Variants in MCC observed in about 807,000 individuals in gnomAD.
The protein encoded by MCC is colorectal mutant cancer protein.
In MCC, 90 loss-of-function variants were observed where a neutral mutation model predicts 116.2. The ratio of observed to expected loss-of-function variants is 0.77; its 90% confidence interval spans 0.65 to 0.92. The LOEUF is 0.92. Ranked by LOEUF, MCC falls within the 40% of genes least tolerant of loss-of-function variation. The pLI, the probability that MCC is intolerant of heterozygous loss-of-function variation, is 0.00. For missense variants in MCC, 1,516 were observed against 1,312.2 expected, an observed-to-expected ratio of 1.16 and a Z score of -2.40; for synonymous variants, 578 against 510.5, an observed-to-expected ratio of 1.13 and a Z score of -1.78.
intron 3 of MCC, among the ~76,000 whole-genome samples, chr5:113,258,281 T>C (rs1765094518): frequency 3.3e-5 from 5 of 152,266 alleles, no homozygotes; most frequent in Admixed American, 3.3e-4. Flanking sequence ...ATGTTCTTTC[T>C]GTGGGTGGCA....
At chr5:113,481,840 A>C (rs1772386930) in intron 1 of MCC, among the ~76,000 whole-genome samples, 1 of 152,212 alleles carries the variant, frequency 6.6e-6, no homozygotes, top group Admixed American at 6.5e-5. Flanking sequence ...CTATATTCAC[A>C]GAGCTGTAAA....
intron 1 of MCC, among the ~76,000 whole-genome samples, chr5:113,398,874 T>G (rs1414614974): frequency 6.6e-6 from 1 of 152,254 alleles, no homozygotes. Context: ...CAATTTATTT[T>G]GAAGTCTATT....
chr5:113,087,850 A>C (rs1755312531), intron 8 of MCC, among the ~76,000 whole-genome samples: 3 of 152,278 alleles, frequency 2.0e-5, no homozygotes, highest in Admixed American at 1.3e-4. Flanking sequence ...GACTTCATTA[A>C]AACTATCCAT....
rs1330539114 is a variant in MCC, at chr5:113,231,561, G to A, written c.628-80139C>T. The stretch of plus-strand genomic sequence containing the variant: ...CATGGCTGTCTCCCATGTTCACTTT[G>A]TTCCTACAGGCAAATATGTTAATGA... On this transcript the variant is annotated intron_variant, in intron 3 of 18. Coordinates refer to ENST00000408903, the MANE Select transcript of MCC (RefSeq NM_001085377.2). 1.3e-5 allele frequency among the ~76,000 whole-genome samples: 2 copies of A among 152,066 alleles called. 1 individual carries two copies. Among genetic ancestry groups the A allele is most frequent in the East Asian group, 3.9e-4 (2 of 5,188 alleles).
intron 1 of MCC, among the ~76,000 whole-genome samples, chr5:113,423,947 C>T (rs1363296105): frequency 6.6e-6 from 1 of 152,106 alleles, no homozygotes; most frequent in Non-Finnish European, 1.5e-5. Context: ...CCACTCAGCT[C>T]TGACAACCCT....
rs1554117153 is a variant in MCC, at chr5:113,091,883, G to GACACAA, written c.1399-6574_1399-6573insTTGTGT. On this transcript the variant is annotated intron_variant, in intron 8 of 18. Transcript: ENST00000408903. ...AGCCTGGGTGATGCAATGAGACTCA[G>GACACAA]ACACACACACACACACACACCACAC... 5.1e-4 allele frequency among the ~76,000 whole-genome samples: 77 copies of GACACAA among 149,904 alleles called. 1 individual carries two copies. The East Asian group carries it at 0.014, about 27-fold the overall frequency.
chr5:113,093,474 T>C (rs1471218074), intron 8 of MCC, among the ~76,000 whole-genome samples: 1 of 150,664 alleles, frequency 6.6e-6, no homozygotes, highest in Non-Finnish European at 1.5e-5. Context: ...TGTTGATCTC[T>C]CTCTCTCTCT....
intron 1 of MCC, among the ~76,000 whole-genome samples, chr5:113,421,543 T>C (rs1044748852): frequency 1.3e-5 from 2 of 152,216 alleles, no homozygotes; most frequent in Non-Finnish European, 2.9e-5. Context: ...AAGGCATCAA[T>C]ACTTTTTGTA....
At chr5:113,145,868 G>A (rs1477723598) in intron 4 of MCC, among the ~76,000 whole-genome samples, 1 of 151,880 alleles carries the variant, frequency 6.6e-6, no homozygotes, top group Non-Finnish European at 1.5e-5. Context: ...CTCTGGTATT[G>A]CACCATCCTT....
At chr5:113,285,546 C>A (rs969031872) in intron 3 of MCC, among the ~76,000 whole-genome samples, 2 of 152,102 alleles carry the variant, frequency 1.3e-5, no homozygotes, top group African/African-American at 2.4e-5. Flanking sequence ...TGCCTTGCCA[C>A]TCCTGAAGCA....
chr5:113,065,033 G>T (rs1753494273), intron 13 of MCC, among the ~76,000 whole-genome samples: 1 of 152,164 alleles, frequency 6.6e-6, no homozygotes, highest in Non-Finnish European at 1.5e-5. Flanking sequence ...GGTTGCCAGG[G>T]GATGGGGTTG....
chr5:113,269,278 G>C (rs1410435412), intron 3 of MCC: 1 of 877,430 alleles, frequency 1.1e-6, no homozygotes, highest in Non-Finnish European at 1.4e-6. Context: ...CTACTGCAGG[G>C]AACCAGAGGC....
chr5:113,086,304 C>CT lies in MCC; in HGVS notation c.1399-995dup, dbSNP rs202201454. On this transcript the variant is annotated intron_variant, in intron 8 of 18. Transcript: ENST00000408903. ...GGAGATGGCTTTAGTGGTGATATGC[C>CT]TGGGGGGTTGAACAGGTGCTAGGAT... Among the ~76,000 whole-genome samples the CT allele has an allele frequency of 3.5e-3, 330 of 93,330 alleles. 4 individuals carry two copies. The East Asian group carries it at 0.059, about 17-fold the overall frequency. 61.2% of individuals were successfully genotyped at this position (93,330 alleles called of 152,430 possible). A position where few individuals can be genotyped will look rare whatever the true frequency, so the allele number is the denominator to read the frequency against.
intron 11 of MCC, among the ~76,000 whole-genome samples, chr5:113,075,164 G>C (rs1374268450): frequency 6.6e-6 from 1 of 152,232 alleles, no homozygotes; most frequent in East Asian, 1.9e-4. Context: ...TGGGCAGTGA[G>C]GGGCTTAGCA....
chr5:113,327,560 AAATATATAT>A (rs1179086239), intron 3 of MCC, among the ~76,000 whole-genome samples: 1 of 100,406 alleles, frequency 1.0e-5, no homozygotes, highest in Non-Finnish European at 2.1e-5. Context: ...AAAAAAAAAA[AAATATATAT>A]ATATATATAT....
chr5:113,029,186 T>TA (rs1461706378), intron 17 of MCC, 130 bp from the exon 18 acceptor site: 1 of 799,988 alleles, frequency 1.3e-6, no homozygotes, highest in African/African-American at 1.8e-5. Context: ...AGAGAAAAGA[T>TA]ACTAAAGGGC....
intron 3 of MCC, among the ~76,000 whole-genome samples, chr5:113,267,422 T>A (rs1765461826): frequency 1.3e-5 from 2 of 152,156 alleles, no homozygotes; most frequent in Admixed American, 1.3e-4. Flanking sequence ...AATCCACCCA[T>A]CAGTGTTCAT....
intron 1 of MCC, among the ~76,000 whole-genome samples, chr5:113,399,267 C>G (rs976110181): frequency 6.6e-6 from 1 of 152,146 alleles, no homozygotes; most frequent in African/African-American, 2.4e-5. Flanking sequence ...AGGCGGATCA[C>G]GAGATCAGGA....
At chr5:113,236,418 C>G (rs1363497120) in intron 3 of MCC, among the ~76,000 whole-genome samples, 1 of 152,168 alleles carries the variant, frequency 6.6e-6, no homozygotes, top group Non-Finnish European at 1.5e-5. Context: ...TGGAACCACA[C>G]TCCCATGACT....
Sources: allele counts gnomAD v4.1 joint callset (sites outside exome capture counted in the v4.1 genomes callset), GRCh38; gene constraint gnomAD v4.1.1; transcripts MANE v1.5; gene names NCBI Gene and HGNC (gene_info 2026-07-23, HGNC 2026-07-21).